Variants in ANOS1 observed in about 807,000 individuals in gnomAD.
ANOS1 encodes the protein anosmin 1, also known as anosmin-1.
A neutral mutation model predicts 59.0 loss-of-function variants in ANOS1; 6 were observed. The observed-to-expected ratio is 0.10, with a 90% CI of 0.06 to 0.20. The LOEUF is 0.20. ANOS1 is among the 10% of genes least tolerant of loss of function. ANOS1 has a pLI of 1.00. For missense variants in ANOS1, 433 were observed against 542.3 expected, an observed-to-expected ratio of 0.80 and a Z score of 2.00; for synonymous variants, 217 against 223.4, an observed-to-expected ratio of 0.97 and a Z score of 0.25.
chrX:8,668,442 C>CAT (rs1319657841), intron 2 of ANOS1, among the ~76,000 whole-genome samples: 100 of 69,197 alleles, frequency 1.4e-3, no homozygotes, highest in African/African-American at 4.9e-3. Flanking sequence ...CACACACATA[C>CAT]ATATATATAT....
chrX:8,639,941 C>T (rs777647340), intron 2 of ANOS1, among the ~76,000 whole-genome samples: 1 of 111,063 alleles, frequency 9.0e-6, no homozygotes, highest in East Asian at 2.8e-4. Context: ...CATCCCCACC[C>T]AGAGGACTAA....
Position 8,585,373 on chromosome X carries a change from C to G in ANOS1, c.750G>C (p.Leu250=), listed in dbSNP as rs1275296397. The change falls in exon 6 of 14, where the codon CTG becomes CTC. Residue 250 remains leucine, a synonymous_variant. Transcript: ENST00000262648. ...ACCATCGGCTGGGTCTTATGTCAGT[C>G]AGTTGAACTCGCTCGTCTGTGGTCT... is the stretch of plus-strand genomic sequence containing the variant. ...VAQTTDERVQ[L]TDIRPSRWYQ... The G allele has an allele frequency of 1.9e-5, 23 of 1,211,410 alleles. No homozygotes were observed. The highest frequency in any genetic ancestry group is 2.6e-5 in the Non-Finnish European group (23 of 895,196).
chrX:8,571,505 GA>G (rs1227485220), intron 6 of ANOS1, among the ~76,000 whole-genome samples: 6 of 111,059 alleles, frequency 5.4e-5, no homozygotes, highest in Admixed American at 9.6e-5. Context: ...AATCAGAAAA[GA>G]AAAAAAATAT....
intron 9 of ANOS1, among the ~76,000 whole-genome samples, chrX:8,547,997 G>C (rs1281234396): frequency 1.8e-5 from 2 of 112,177 alleles, no homozygotes; most frequent in Non-Finnish European, 3.8e-5. Flanking sequence ...TTACAGGCGT[G>C]AGCCACCGCG....
At chrX:8,558,973 T>C (rs1929990045) in intron 8 of ANOS1, among the ~76,000 whole-genome samples, 2 of 112,549 alleles carry the variant, frequency 1.8e-5, no homozygotes, top group Non-Finnish European at 1.9e-5. Context: ...AATTAGCTCT[T>C]TCTGGCAGTA....
Position 8,554,545 on chromosome X carries a change from T to TTG in ANOS1, c.1208-448_1208-447insCA, listed in dbSNP as rs1209683693. On this transcript the variant is annotated intron_variant, in intron 8 of 13. Transcript: ENST00000262648. ...AGACACAGAGCTGGCTACAGGAGTTTTTTTTTTTTTTTTTTTTTTTTTTTT... is the reference window on the plus strand; with the variant it reads ...AGACACAGAGCTGGCTACAGGAGTTTTGTTTTTTTTTTTTTTTTTTTTTTTTT... Among the ~76,000 whole-genome samples the TTG allele has an allele frequency of 5.3e-4, 31 of 58,516 alleles. 1 individual carries two copies. Among genetic ancestry groups the TTG allele is most frequent in the African/African-American group, 1.7e-3 (27 of 15,603 alleles). The allele number at this position is 58,516 out of a possible 115,157, so 50.8% of individuals were successfully genotyped here.
At chrX:8,701,618 T>C (rs1932756594) in intron 1 of ANOS1, among the ~76,000 whole-genome samples, 1 of 112,472 alleles carries the variant, frequency 8.9e-6, no homozygotes, top group African/African-American at 3.2e-5. Flanking sequence ...GGACATTTTA[T>C]ATAAATGGAA....
chrX:8,572,927 AC>A (rs1930256979), intron 6 of ANOS1, among the ~76,000 whole-genome samples: 1 of 110,773 alleles, frequency 9.0e-6, no homozygotes, highest in East Asian at 2.8e-4. Flanking sequence ...AATGGGAAGC[AC>A]CCCAATATGG....
chrX:8,603,985 T>G (rs1341700966), intron 3 of ANOS1, among the ~76,000 whole-genome samples: 2 of 111,747 alleles, frequency 1.8e-5, no homozygotes, highest in Admixed American at 1.9e-4. Flanking sequence ...GATGCTGATG[T>G]CTATCACATC....
chrX:8,556,898 G>A (rs1377333336), intron 8 of ANOS1, among the ~76,000 whole-genome samples: 3 of 111,683 alleles, frequency 2.7e-5, no homozygotes, highest in Non-Finnish European at 5.6e-5. Context: ...GAACAAAGCT[G>A]GAGGCATCAT....
chrX:8,724,641 T>C (rs1454165925), intron 1 of ANOS1, among the ~76,000 whole-genome samples: 2 of 112,376 alleles, frequency 1.8e-5, no homozygotes, highest in East Asian at 5.6e-4. Context: ...GAAGCAGCTG[T>C]AAGCTATTAG....
intron 3 of ANOS1, among the ~76,000 whole-genome samples, chrX:8,609,866 G>T (rs1050078591): frequency 9.3e-5 from 10 of 107,094 alleles, no homozygotes; most frequent in Non-Finnish European, 1.7e-4. Flanking sequence ...AATTAGCTGG[G>T]CGTGGTGGTG....
chrX:8,725,625 G>GATATATATATACAGATATATATACAGAT (rs1932909368), intron 1 of ANOS1, among the ~76,000 whole-genome samples: 1 of 31,104 alleles, frequency 3.2e-5, no homozygotes, highest in Non-Finnish European at 5.8e-5. Context: ...TATATATACA[G>GATATATATATACAGATATATATACAGAT]ATATATATAT....
intron 8 of ANOS1, among the ~76,000 whole-genome samples, chrX:8,562,206 G>A (rs951668015): frequency 1.8e-5 from 2 of 111,477 alleles, no homozygotes; most frequent in East Asian, 5.6e-4. Flanking sequence ...CTCCCAAAGT[G>A]CTGGGATTAC....
At chrX:8,633,233 G>A (rs1344531093) in intron 2 of ANOS1, among the ~76,000 whole-genome samples, 3 of 111,569 alleles carry the variant, frequency 2.7e-5, no homozygotes, top group Admixed American at 9.6e-5. Flanking sequence ...AACGTCCGAA[G>A]GGCAATGACT....
intron 7 of ANOS1, among the ~76,000 whole-genome samples, chrX:8,568,777 C>T (rs1930166786): frequency 9.0e-6 from 1 of 110,997 alleles, no homozygotes; most frequent in African/African-American, 3.3e-5. Context: ...GCTGTGATCG[C>T]ACCACTGCAC....
At chrX:8,559,624 T>G (rs1930001797) in intron 8 of ANOS1, among the ~76,000 whole-genome samples, 1 of 111,893 alleles carries the variant, frequency 8.9e-6, no homozygotes, top group South Asian at 3.8e-4. Flanking sequence ...TTTAGCTGTA[T>G]CTTTCTCTCT....
rs1039556166 is a variant in ANOS1 at position 8,638,420 on chromosome X, T to C, written c.256-14750A>G. Among the ~76,000 whole-genome samples the C allele has an allele frequency of 5.3e-4, 59 of 112,353 alleles. 2 individuals carry two copies. The East Asian group carries it at 5.9e-3, about 11-fold the overall frequency. ...GTATTTATTGATTCACATCTATGCA[T>C]TGGGCAATCCAAGAGATATTAGGAG... On this transcript the variant is annotated intron_variant, in intron 2 of 13. Transcript: ENST00000262648.
intron 1 of ANOS1, among the ~76,000 whole-genome samples, chrX:8,729,342 C>T (rs146975047): frequency 0.011 from 1,156 of 106,946 alleles, 8 homozygotes; most frequent in Non-Finnish European, 0.017. Context: ...TAAGACTTCC[C>T]GTAGCCCAGT....
Sources: gnomAD v4.1 joint callset for allele counts (sites outside exome capture counted in the v4.1 genomes callset) on GRCh38, gnomAD v4.1.1 for gene constraint, MANE v1.5 for transcripts, NCBI Gene and HGNC (gene_info 2026-07-23, HGNC 2026-07-21) for gene names.